NR2C2: variants seen among roughly 807,000 people sequenced by gnomAD.
NR2C2 encodes the protein Nuclear hormone receptor TR4.
NR2C2 carries 6 observed loss-of-function variants against 62.9 expected under a neutral mutation model. The observed-to-expected ratio is 0.10, with a 90% CI of 0.05 to 0.19. The LOEUF (loss-of-function observed/expected upper bound fraction) is 0.19. Among genes scored for constraint, NR2C2 ranks in the 10% least tolerant of loss-of-function variants. The pLI is 1.00. For missense variants in NR2C2, 479 were observed against 762.7 expected (o/e 0.63, Z 4.38); for synonymous variants, 272 against 273.8 (o/e 0.99, Z 0.07).
At chr3:14,996,247 A>G (rs112654265) in intron 1 of NR2C2, among the ~76,000 whole-genome samples, 4 of 152,232 alleles carry the variant, frequency 2.6e-5, no homozygotes, top group African/African-American at 9.6e-5. Flanking sequence ...GCCTAATCCA[A>G]GGTCATGAAG....
chr3:15,020,278 T>C (rs1303311028), intron 4 of NR2C2, among the ~76,000 whole-genome samples: 3 of 152,190 alleles, frequency 2.0e-5, no homozygotes, highest in African/African-American at 7.2e-5. Context: ...AGAGAGGGGC[T>C]AAATGCAGGA....
At chr3:14,954,834 C>G (rs2039476494) in intron 1 of NR2C2, among the ~76,000 whole-genome samples, 1 of 151,748 alleles carries the variant, frequency 6.6e-6, no homozygotes, top group Admixed American at 6.6e-5. Context: ...CGATTTGTGC[C>G]TTTTTTTGTT....
At chr3:14,954,773 ATGTGTGTTC>A (rs773238804) in intron 1 of NR2C2, among the ~76,000 whole-genome samples, 2 of 152,096 alleles carry the variant, frequency 1.3e-5, no homozygotes, top group African/African-American at 2.4e-5. Context: ...TGGCATTTAC[ATGTGTGTTC>A]TGTGTGTTCA....
intron 1 of NR2C2, among the ~76,000 whole-genome samples, chr3:14,955,116 C>T (rs1253177425): frequency 6.6e-6 from 1 of 152,204 alleles, no homozygotes; most frequent in African/African-American, 2.4e-5. Context: ...CAGGCAGGAG[C>T]CACCGAGCCT....
intron 4 of NR2C2, among the ~76,000 whole-genome samples, chr3:15,019,901 G>A (rs1379213097): frequency 1.3e-5 from 2 of 152,002 alleles, no homozygotes; most frequent in African/African-American, 4.8e-5. Flanking sequence ...TAGAAGAAAG[G>A]GTTTTGAATG....
At chr3:14,991,168 A>ATTT (rs2040660000) in intron 1 of NR2C2, among the ~76,000 whole-genome samples, 1 of 152,218 alleles carries the variant, frequency 6.6e-6, no homozygotes, top group Non-Finnish European at 1.5e-5. Flanking sequence ...TCTGATATAA[A>ATTT]TGATGCTGGT....
intron 1 of NR2C2, among the ~76,000 whole-genome samples, chr3:14,998,466 A>G (rs139935075): frequency 1.3e-5 from 2 of 152,308 alleles, no homozygotes; most frequent in Non-Finnish European, 2.9e-5. Flanking sequence ...ATCCTAGTGG[A>G]TATGAAGTGG....
intron 1 of NR2C2, among the ~76,000 whole-genome samples, chr3:14,966,317 C>G (rs879644081): frequency 4.6e-5 from 7 of 152,216 alleles, no homozygotes; most frequent in Non-Finnish European, 7.3e-5. Flanking sequence ...ATAGGCTACA[C>G]TAGTTGAATA....
At chr3:14,966,782 A>G (rs1417350454) in intron 1 of NR2C2, among the ~76,000 whole-genome samples, 1 of 152,230 alleles carries the variant, frequency 6.6e-6, no homozygotes, top group African/African-American at 2.4e-5. Flanking sequence ...TTGATGTCCT[A>G]TAATGTGCTC....
intron 1 of NR2C2, among the ~76,000 whole-genome samples, chr3:14,981,039 T>C (rs919182411): frequency 6.6e-6 from 1 of 152,240 alleles, no homozygotes; most frequent in Admixed American, 6.5e-5. Flanking sequence ...CAGGTCTCTA[T>C]TGACAATTTT....
chr3:15,042,732 G>T (rs780406001), intron 13 of NR2C2, 102 bp from the exon 14 acceptor site: 3 of 1,008,646 alleles, frequency 3.0e-6, no homozygotes, highest in Non-Finnish European at 1.5e-6. Flanking sequence ...GATCCGTTTG[G>T]TTTGATTCTG....
chr3:14,980,041 C>T (rs1232072433), intron 1 of NR2C2, among the ~76,000 whole-genome samples: 2 of 151,824 alleles, frequency 1.3e-5, no homozygotes, highest in Non-Finnish European at 2.9e-5. Context: ...CCCGTAGTCC[C>T]CACTGTAGAA....
chr3:15,031,960 A>G (rs992298931), intron 9 of NR2C2, among the ~76,000 whole-genome samples: 1 of 151,590 alleles, frequency 6.6e-6, no homozygotes, highest in Non-Finnish European at 1.5e-5. Flanking sequence ...AACTCCTGAC[A>G]TCAGGTGATC....
chr3:14,996,037 G>A (rs1023909643), intron 1 of NR2C2, among the ~76,000 whole-genome samples: 2 of 152,088 alleles, frequency 1.3e-5, no homozygotes, highest in Admixed American at 1.3e-4. Context: ...TTTTCATTGA[G>A]TTATAAGGGT....
intron 2 of NR2C2, among the ~76,000 whole-genome samples, chr3:15,005,613 C>T (rs1055678603): frequency 4.0e-5 from 6 of 150,918 alleles, no homozygotes; most frequent in African/African-American, 1.5e-4. Context: ...GCACTACAAC[C>T]TCAAACTCCT....
chr3:14,989,055 A>G (rs1347476599), intron 1 of NR2C2, among the ~76,000 whole-genome samples: 1 of 152,082 alleles, frequency 6.6e-6, no homozygotes, highest in African/African-American at 2.4e-5. Context: ...CATTCACTTC[A>G]TATCAGTTGT....
At chr3:14,981,409 C>T (rs1372624975) in intron 1 of NR2C2, among the ~76,000 whole-genome samples, 1 of 152,074 alleles carries the variant, frequency 6.6e-6, no homozygotes, top group East Asian at 1.9e-4. Flanking sequence ...CAAGACCACC[C>T]TGGCTAACAC....
intron 1 of NR2C2, among the ~76,000 whole-genome samples, chr3:14,993,347 G>T (rs1194447722): frequency 1.3e-5 from 2 of 151,848 alleles, no homozygotes; most frequent in Admixed American, 6.6e-5. Flanking sequence ...CCAGCTGCTC[G>T]GGAGGCTGAG....
chr3:14,972,068 C>G (rs1357261286), intron 1 of NR2C2, among the ~76,000 whole-genome samples: 1 of 151,476 alleles, frequency 6.6e-6, no homozygotes, highest in Non-Finnish European at 1.5e-5. Flanking sequence ...TTTGGCCTCC[C>G]AAAGTGCTTG....
Sources: allele counts gnomAD v4.1 joint callset (sites outside exome capture counted in the v4.1 genomes callset), GRCh38; gene constraint gnomAD v4.1.1; transcripts MANE v1.5; gene names NCBI Gene and HGNC (gene_info 2026-07-23, HGNC 2026-07-21).